Variants in ABCA12 observed in about 807,000 individuals in gnomAD.
ABCA12 encodes the protein glucosylceramide transporter ABCA12.
A neutral mutation model predicts 293.5 loss-of-function variants in ABCA12; 156 were observed. That is an observed-to-expected ratio of 0.53 (90% CI 0.47 to 0.61). The LOEUF is 0.61. ABCA12 is among the 20% of genes least tolerant of loss of function. The probability of loss-of-function intolerance (pLI) is 0.00; values close to 1 mark genes in which losing one functional copy is unlikely to be tolerated. For synonymous variants in ABCA12, 1,063 were observed against 1,108.0 expected, an observed-to-expected ratio of 0.96 and a Z score of 0.81; for missense variants, 2,797 against 3,090.2, an observed-to-expected ratio of 0.91 and a Z score of 2.25.
In ABCA12 at chr2:215,117,253, G is replaced by A. The variant is rs1425837716; in HGVS notation, c.70-5563C>T. On this transcript the variant is annotated intron_variant, in intron 1 of 52. Coordinates refer to ENST00000272895, the MANE Select transcript of ABCA12 (RefSeq NM_173076.3). ...AAAGAGTGCAAGAGATGAAGAAACA[G>A]AAAAAGAGATAAAGACAAGCTTCAC... 4.6e-5 allele frequency among the ~76,000 whole-genome samples: 7 copies of A among 152,146 alleles called. No homozygotes were observed. In the East Asian group the frequency reaches 9.6e-4, roughly 21 times the overall value.
intron 1 of ABCA12, among the ~76,000 whole-genome samples, chr2:215,125,732 A>C (rs987317002): frequency 9.2e-5 from 14 of 152,142 alleles, no homozygotes; most frequent in African/African-American, 3.4e-4. Context: ...CAATCATATC[A>C]TCAGCAAACA....
At chr2:215,004,760 G>T (rs1700218039) in intron 19 of ABCA12, 2 of 166,946 alleles carry the variant, frequency 1.2e-5, no homozygotes, top group Admixed American at 5.8e-5. Context: ...CTAGCCTGAA[G>T]CTTTTAGCAA....
At chr2:215,062,796 T>C (rs1182586522) in intron 3 of ABCA12, among the ~76,000 whole-genome samples, 6 of 152,082 alleles carry the variant, frequency 3.9e-5, no homozygotes, top group Non-Finnish European at 8.8e-5. Flanking sequence ...TGACACTCTA[T>C]TAAATCCCTA....
intron 14 of ABCA12, 116 bp downstream of exon 14, chr2:215,017,892 A>G (rs1700541146): frequency 1.4e-6 from 2 of 1,458,598 alleles, no homozygotes; most frequent in African/African-American, 2.8e-5. Flanking sequence ...TTGCATAGAA[A>G]ATTCACCAGA....
Position 215,045,928 on chromosome 2 carries a change from C to G in ABCA12, c.781G>C (p.Ala261Pro), listed in dbSNP as rs371506785. The G allele has an allele frequency of 3.1e-6, 5 of 1,613,598 alleles. No homozygotes were observed. The highest frequency in any genetic ancestry group is 4.2e-6 in the Non-Finnish European group (5 of 1,179,820). Reference protein sequence around the residue: ...SFFSQVQEQKAVWQLLSSFPN... With the variant: ...SFFSQVQEQKPVWQLLSSFPN... Reference sequence around the variant, plus strand: ...AAACTAGACAGAAGCTGCCACACAGCTTTCTGCTCTTGCACTTGTGAGAAG... The same window carrying G: ...AAACTAGACAGAAGCTGCCACACAGGTTTCTGCTCTTGCACTTGTGAGAAG... Residue 261 changes from alanine to proline, a missense_variant, in exon 7 of 53, where the codon GCT (alanine) becomes CCT (proline). Coordinates refer to ENST00000272895, the MANE Select transcript of ABCA12 (RefSeq NM_173076.3).
chr2:215,112,497 G>GTT (rs1186258195), intron 1 of ABCA12, among the ~76,000 whole-genome samples: 11 of 125,654 alleles, frequency 8.8e-5, no homozygotes, highest in South Asian at 2.6e-4. Flanking sequence ...TTTTTTTTTT[G>GTT]TTTTTTTTTG....
chr2:215,117,841 C>G (rs1245658894), intron 1 of ABCA12, among the ~76,000 whole-genome samples: 2 of 152,302 alleles, frequency 1.3e-5, no homozygotes, highest in East Asian at 3.9e-4. Flanking sequence ...TATCCTAGAG[C>G]AGAGGTAACA....
intron 2 of ABCA12, among the ~76,000 whole-genome samples, chr2:215,077,357 C>A (rs1701854016): frequency 6.6e-6 from 1 of 152,174 alleles, no homozygotes. Flanking sequence ...CAAGCCAGTT[C>A]AAGAATAGCT....
rs143313815 is a variant in ABCA12 at position 214,986,796 on chromosome 2, T to A, written c.3977-68A>T. 2,383 of 1,407,710 alleles carry A rather than the reference T, an allele frequency of 1.7e-3. 11 individuals are homozygous for A. Among genetic ancestry groups the A allele is most frequent in the South Asian group, 3.0e-3 (251 of 83,988 alleles). 87.2% of individuals were successfully genotyped at this position (1,407,710 alleles called of 1,614,324 possible). ...GTAATGCAGCTAGAGTTAGACTTTA[T>A]CTTTATTAAAAATTTAAGACTATAA... On this transcript the variant is annotated intron_variant, in intron 27 of 52. Transcript: ENST00000272895.
intron 2 of ABCA12, among the ~76,000 whole-genome samples, chr2:215,079,720 A>C (rs1701900487): frequency 6.7e-6 from 1 of 150,080 alleles, no homozygotes; most frequent in Non-Finnish European, 1.5e-5. Context: ...GACTCTTTTA[A>C]TTTTTCCTTT....
chr2:215,054,562 A>G lies in ABCA12; in HGVS notation c.409+11T>C. The G allele has an allele frequency of 6.2e-7, 1 of 1,604,802 alleles. No individual in the cohort carries two copies. Among genetic ancestry groups the G allele is most frequent in the Non-Finnish European group, 8.5e-7 (1 of 1,172,130 alleles). ...GGCTTGTTCTGAACTCTACAGAAGA[A>G]AATAGCTTACCTAGTGATGCATGCC... On this transcript the variant is annotated intron_variant, in intron 4 of 52. Coordinates refer to ENST00000272895, the MANE Select transcript of ABCA12 (RefSeq NM_173076.3).
chr2:215,104,501 G>A (rs759010364), intron 2 of ABCA12, among the ~76,000 whole-genome samples: 1 of 152,102 alleles, frequency 6.6e-6, no homozygotes, highest in Non-Finnish European at 1.5e-5. Context: ...CCACATCTTC[G>A]ACCCCTCTGT....
At chr2:215,032,676 T>C (rs945716356) in intron 8 of ABCA12, 1 of 152,186 alleles carries the variant, frequency 6.6e-6, no homozygotes, top group African/African-American at 2.4e-5. Flanking sequence ...AATAAAAACA[T>C]CATAAATCCA....
chr2:215,060,785 A>G (rs1701512708), intron 3 of ABCA12, among the ~76,000 whole-genome samples: 1 of 152,052 alleles, frequency 6.6e-6, no homozygotes, highest in Non-Finnish European at 1.5e-5. Context: ...ATATTTTTCA[A>G]TATTAAACAA....
At chr2:215,128,566 T>TTCC (rs144409197) in intron 1 of ABCA12, among the ~76,000 whole-genome samples, 4 of 151,870 alleles carry the variant, frequency 2.6e-5, no homozygotes, top group African/African-American at 9.7e-5. Context: ...TCTGAATTTC[T>TTCC]TTCTTCTTGT....
intron 40 of ABCA12, 105 bp downstream of exon 40, chr2:214,958,919 G>A: frequency 8.3e-7 from 1 of 1,212,008 alleles, no homozygotes; most frequent in East Asian, 2.3e-5. Flanking sequence ...AGCCCTTCTA[G>A]ATTGACATTC....
chr2:215,123,108 T>A (rs1265078332), intron 1 of ABCA12, among the ~76,000 whole-genome samples: 1 of 152,194 alleles, frequency 6.6e-6, no homozygotes, highest in African/African-American at 2.4e-5. Flanking sequence ...GCAAAGGACA[T>A]GATTTCATTC....
chr2:215,094,698 T>C (rs113641642), intron 2 of ABCA12, among the ~76,000 whole-genome samples: 174 of 143,042 alleles, frequency 1.2e-3, no homozygotes, highest in East Asian at 2.6e-3. Flanking sequence ...TTGCTTATAC[T>C]CAGCCCCATG....
In ABCA12 at chr2:214,937,445, G is replaced by A. The variant is rs1428723094; in HGVS notation, c.7542+65C>T. On this transcript the variant is annotated intron_variant, in intron 51 of 52. Coordinates refer to ENST00000272895, the MANE Select transcript of ABCA12 (RefSeq NM_173076.3). ...ACCTCCTGACCTCAAGTGATTGCCCGCCTCGGACTCCCAAAGTGCTGGGAT... is the reference window on the plus strand; with the variant it reads ...ACCTCCTGACCTCAAGTGATTGCCCACCTCGGACTCCCAAAGTGCTGGGAT... 16 of 1,311,704 alleles carry A rather than the reference G, an allele frequency of 1.2e-5. No homozygotes were observed. In the East Asian group the frequency reaches 1.4e-4, roughly 12 times the overall value. 81.3% of individuals were successfully genotyped at this position (1,311,704 alleles called of 1,614,324 possible). A position where few individuals can be genotyped will look rare whatever the true frequency, so the allele number is the denominator to read the frequency against.
Sources: gnomAD v4.1 joint callset for allele counts (sites outside exome capture counted in the v4.1 genomes callset) on GRCh38, gnomAD v4.1.1 for gene constraint, MANE v1.5 for transcripts, NCBI Gene and HGNC (gene_info 2026-07-23, HGNC 2026-07-21) for gene names.